XYLT1: variants seen among roughly 807,000 people sequenced by gnomAD.
XYLT1 encodes the protein beta-D-xylosyltransferase 1.
A neutral mutation model predicts 91.3 loss-of-function variants in XYLT1; 36 were observed. The ratio of observed to expected loss-of-function variants is 0.39; its 90% confidence interval spans 0.30 to 0.52. The LOEUF is 0.52. Among genes scored for constraint, XYLT1 ranks in the 20% least tolerant of loss-of-function variants. The pLI is 0.68. For synonymous variants in XYLT1, 588 were observed against 532.0 expected (o/e 1.11, Z -1.45); for missense variants, 1,242 against 1,284.5 (o/e 0.97, Z 0.51).
intron 1 of XYLT1, among the ~76,000 whole-genome samples, chr16:17,416,648 C>A (rs566105024): frequency 6.6e-6 from 1 of 152,162 alleles, no homozygotes; most frequent in Middle Eastern, 3.4e-3. Flanking sequence ...TCAATGTCAA[C>A]AGCCTTTACC....
At chr16:17,160,745 C>A (rs975713394) in intron 5 of XYLT1, among the ~76,000 whole-genome samples, 1 of 152,144 alleles carries the variant, frequency 6.6e-6, no homozygotes, top group Non-Finnish European at 1.5e-5. Flanking sequence ...ATCGTGCATG[C>A]CAAGGTAAAG....
intron 2 of XYLT1, among the ~76,000 whole-genome samples, chr16:17,339,983 C>T (rs2035042589): frequency 2.0e-5 from 3 of 151,978 alleles, no homozygotes; most frequent in African/African-American, 7.2e-5. Context: ...ATCCATCACC[C>T]CTTGTCCACC....
chr16:17,438,612 T>A (rs1174496801), intron 1 of XYLT1, among the ~76,000 whole-genome samples: 1 of 152,072 alleles, frequency 6.6e-6, no homozygotes. Context: ...CTGGATAATT[T>A]ATGAAGAAAA....
At chr16:17,468,684 C>G (rs1419765388) in intron 1 of XYLT1, among the ~76,000 whole-genome samples, 2 of 151,772 alleles carry the variant, frequency 1.3e-5, no homozygotes, top group Non-Finnish European at 2.9e-5. Context: ...GCTAGCCCTG[C>G]CTCCTTCCTT....
At chr16:17,383,542 G>A (rs961438056) in intron 1 of XYLT1, among the ~76,000 whole-genome samples, 1 of 151,766 alleles carries the variant, frequency 6.6e-6, no homozygotes, top group Non-Finnish European at 1.5e-5. Context: ...GTCCTGGCTC[G>A]GCAACTGTTG....
chr16:17,293,402 A>G (rs1203281767), intron 2 of XYLT1, among the ~76,000 whole-genome samples: 3 of 152,136 alleles, frequency 2.0e-5, no homozygotes, highest in Admixed American at 1.3e-4. Flanking sequence ...GTACCAATTA[A>G]ATAACGTGAC....
At chr16:17,325,787 A>G (rs2034792043) in intron 2 of XYLT1, among the ~76,000 whole-genome samples, 1 of 152,208 alleles carries the variant, frequency 6.6e-6, no homozygotes, top group Non-Finnish European at 1.5e-5. Flanking sequence ...CTCTGTGTCT[A>G]TGTGTACTGG....
intron 1 of XYLT1, among the ~76,000 whole-genome samples, chr16:17,442,394 A>AC (rs2036542227): frequency 6.6e-6 from 1 of 151,272 alleles, no homozygotes; most frequent in Non-Finnish European, 1.5e-5. Context: ...TTGCCCACCT[A>AC]CCCCCCACCT....
In XYLT1 at chr16:17,136,675, T is replaced by TAACA. The variant is rs757854533; in HGVS notation, c.1764+1676_1764+1679dup. 4.6e-5 allele frequency among the ~76,000 whole-genome samples: 7 copies of TAACA among 152,322 alleles called. No homozygotes were observed. The East Asian group carries it at 7.7e-4, about 17-fold the overall frequency. The stretch of plus-strand genomic sequence containing the variant: ...CGATTCCGACCATAGCTGGATCTTC[T>TAACA]AACAAACAGGGCACGTTACCATATT... On this transcript the variant is annotated intron_variant, in intron 8 of 11. Coordinates refer to ENST00000261381, the MANE Select transcript of XYLT1 (RefSeq NM_022166.4).
At chr16:17,293,132 T>A (rs981445909) in intron 2 of XYLT1, among the ~76,000 whole-genome samples, 1 of 152,278 alleles carries the variant, frequency 6.6e-6, no homozygotes, top group South Asian at 2.1e-4. Context: ...TTACTGGAAC[T>A]CTGTGCTAGA....
intron 5 of XYLT1, among the ~76,000 whole-genome samples, chr16:17,179,386 G>A (rs1220048258): frequency 6.6e-6 from 1 of 152,164 alleles, no homozygotes; most frequent in East Asian, 1.9e-4. Flanking sequence ...ATAAAAGCTA[G>A]AAAAGAAGTT....
chr16:17,337,732 C>T (rs1291439856), intron 2 of XYLT1, among the ~76,000 whole-genome samples: 2 of 148,580 alleles, frequency 1.3e-5, no homozygotes, highest in Non-Finnish European at 3.0e-5. Context: ...CATTCCCGAT[C>T]TTATTTTTTC....
chr16:17,308,357 T>C (rs2034497402), intron 2 of XYLT1, among the ~76,000 whole-genome samples: 1 of 152,148 alleles, frequency 6.6e-6, no homozygotes, highest in Non-Finnish European at 1.5e-5. Context: ...GCTTTAAAAG[T>C]TACTTGGAGA....
intron 2 of XYLT1, among the ~76,000 whole-genome samples, chr16:17,292,081 TACACAC>T (rs10568382): frequency 1.6e-4 from 24 of 149,084 alleles, no homozygotes; most frequent in Non-Finnish European, 2.1e-4. Flanking sequence ...CACTAAACCA[TACACAC>T]ACACACACAC....
At chr16:17,201,165 C>T (rs2032534538) in intron 3 of XYLT1, among the ~76,000 whole-genome samples, 2 of 152,336 alleles carry the variant, frequency 1.3e-5, no homozygotes, top group African/African-American at 4.8e-5. Flanking sequence ...TACAGTACTG[C>T]TGCCTATTAA....
intron 5 of XYLT1, among the ~76,000 whole-genome samples, chr16:17,185,074 G>C (rs2032154544): frequency 6.6e-6 from 1 of 152,116 alleles, no homozygotes; most frequent in South Asian, 2.1e-4. Context: ...GAGAACTCTA[G>C]GCTCACTCTG....
chr16:17,297,178 C>CT lies in XYLT1; in HGVS notation c.403-37681dup, dbSNP rs564369431. On this transcript the variant is annotated intron_variant, in intron 2 of 11. Transcript: ENST00000261381. ...TGCTTGAGTCAGGGAAATGAATCCC[C>CT]TTTCCATCTGCCTCCAAATCCATGT... Among the ~76,000 whole-genome samples, 507 of 152,316 alleles carry CT rather than the reference C, an allele frequency of 3.3e-3. 3 individuals are homozygous for CT. The highest frequency in any genetic ancestry group is 0.011 in the African/African-American group (469 of 41,582).
rs111260590 is a variant in XYLT1, at chr16:17,330,235, G to A, written c.402+27777C>T. On this transcript the variant is annotated intron_variant, in intron 2 of 11. Coordinates refer to ENST00000261381, the MANE Select transcript of XYLT1 (RefSeq NM_022166.4). ...TTATGAATATACAACACACTCGTGC[G>A]TATAAACAAATAAGTGCAAACAGCT... is the stretch of plus-strand genomic sequence containing the variant. Among the ~76,000 whole-genome samples the A allele has an allele frequency of 2.3e-3, 355 of 152,180 alleles. 1 individual carries two copies. The highest frequency in any genetic ancestry group is 7.7e-3 in the African/African-American group (319 of 41,506).
intron 2 of XYLT1, among the ~76,000 whole-genome samples, chr16:17,350,251 A>G (rs1029634406): frequency 3.9e-5 from 6 of 152,172 alleles, no homozygotes; most frequent in Non-Finnish European, 2.9e-5. Flanking sequence ...TCCACTCCCA[A>G]CAAGAAGGGG....
Sources: gnomAD v4.1 joint callset for allele counts (sites outside exome capture counted in the v4.1 genomes callset) on GRCh38, gnomAD v4.1.1 for gene constraint, MANE v1.5 for transcripts, NCBI Gene and HGNC (gene_info 2026-07-23, HGNC 2026-07-21) for gene names.